Variants in RBFOX1 observed in about 807,000 individuals in gnomAD.
RBFOX1 encodes RNA binding fox-1 homolog 1, also known as RNA binding protein fox-1 homolog 1.
Under a neutral mutation model 57.7 loss-of-function variants are expected in RBFOX1, and 8 were observed. The observed-to-expected ratio is 0.14, with a 90% CI of 0.08 to 0.25. The LOEUF (loss-of-function observed/expected upper bound fraction) is 0.25, where lower values mean the gene tolerates loss of function less well. Ranked by LOEUF, RBFOX1 falls within the 10% of genes least tolerant of loss-of-function variation. The pLI is 1.00. For missense variants in RBFOX1, 611 were observed against 548.5 expected (o/e 1.11, Z -1.14); for synonymous variants, 326 against 222.4 (o/e 1.47, Z -4.15).
intron 3 of RBFOX1, among the ~76,000 whole-genome samples, chr16:7,018,815 C>T (rs539865611): frequency 7.3e-5 from 11 of 151,482 alleles, no homozygotes; most frequent in Admixed American, 4.6e-4. Context: ...AATACAACGT[C>T]TACAGATTAA....
At chr16:5,714,786 C>G (rs962156360) in intron 3 of RBFOX1, among the ~76,000 whole-genome samples, 5 of 152,154 alleles carry the variant, frequency 3.3e-5, no homozygotes, top group African/African-American at 1.2e-4. Context: ...TCATATCAGC[C>G]TCGTAAGGTA....
chr16:7,087,242 C>T (rs1388448846), intron 4 of RBFOX1, among the ~76,000 whole-genome samples: 3 of 152,158 alleles, frequency 2.0e-5, no homozygotes, highest in African/African-American at 2.4e-5. Context: ...AGATGCTGGC[C>T]TCCCAGAGTC....
intron 1 of RBFOX1, among the ~76,000 whole-genome samples, chr16:6,231,373 C>G (rs1324650022): frequency 2.0e-5 from 3 of 152,002 alleles, no homozygotes; most frequent in Admixed American, 6.6e-5. Flanking sequence ...CTCTCTAGCT[C>G]TTCTCATTTT....
At chr16:6,233,373 CG>C (rs1195126503) in intron 1 of RBFOX1, among the ~76,000 whole-genome samples, 1 of 152,028 alleles carries the variant, frequency 6.6e-6, no homozygotes, top group Non-Finnish European at 1.5e-5. Context: ...CCATCTCCCC[CG>C]GGTGGTTGCA....
chr16:6,459,670 G>A (rs7195659), intron 2 of RBFOX1, among the ~76,000 whole-genome samples: 7,376 of 151,898 alleles, frequency 0.049, 586 homozygotes, highest in African/African-American at 0.17. Context: ...TGTCTTTAGA[G>A]TCAATACTTA....
intron 4 of RBFOX1, among the ~76,000 whole-genome samples, chr16:7,468,565 A>T (rs2060958098): frequency 1.3e-5 from 2 of 151,996 alleles, no homozygotes; most frequent in Admixed American, 6.6e-5. Context: ...GAACTTCGGA[A>T]ATGGGACAGC....
At chr16:7,020,565 A>G (rs1446067546) in intron 3 of RBFOX1, among the ~76,000 whole-genome samples, 1 of 152,216 alleles carries the variant, frequency 6.6e-6, no homozygotes, top group East Asian at 1.9e-4. Context: ...ATTAAATAAA[A>G]TAAGGAATCT....
At chr16:6,770,539 T>C (rs56684423) in intron 3 of RBFOX1, among the ~76,000 whole-genome samples, 13,379 of 152,194 alleles carry the variant, frequency 0.088, 631 homozygotes, top group Admixed American at 0.13. Context: ...TCTGCCCCTT[T>C]ACGGAAGATG....
At chr16:6,071,435 A>G (rs973116517) in intron 1 of RBFOX1, among the ~76,000 whole-genome samples, 18 of 152,240 alleles carry the variant, frequency 1.2e-4, no homozygotes, top group African/African-American at 4.3e-4. Context: ...ACTAGGTCGA[A>G]TACTTGGGTG....
At chr16:7,513,468 C>T (rs1295472315) in intron 4 of RBFOX1, among the ~76,000 whole-genome samples, 1 of 152,118 alleles carries the variant, frequency 6.6e-6, no homozygotes, top group Non-Finnish European at 1.5e-5. Flanking sequence ...ATTAGAGATG[C>T]ATTGCATGAA....
intron 11 of RBFOX1, among the ~76,000 whole-genome samples, chr16:7,645,342 C>T (rs1292754869): frequency 6.6e-6 from 1 of 152,130 alleles, no homozygotes; most frequent in Non-Finnish European, 1.5e-5. Context: ...TGTCAATTTG[C>T]TGCAAGGTAA....
chr16:7,090,246 A>G (rs2060605017), intron 4 of RBFOX1, among the ~76,000 whole-genome samples: 1 of 152,192 alleles, frequency 6.6e-6, no homozygotes, highest in Admixed American at 6.5e-5. Flanking sequence ...TAGAATCCAT[A>G]TTCAGTTTAC....
intron 14 of RBFOX1, among the ~76,000 whole-genome samples, chr16:7,699,922 A>C (rs1170228801): frequency 6.6e-6 from 1 of 152,142 alleles, no homozygotes; most frequent in Non-Finnish European, 1.5e-5. Flanking sequence ...GTTCACCAGG[A>C]GTTAAAATGT....
At chr16:5,330,351 G>T (rs2064716204) in intron 1 of RBFOX1, among the ~76,000 whole-genome samples, 2 of 151,970 alleles carry the variant, frequency 1.3e-5, no homozygotes, top group South Asian at 2.1e-4. Flanking sequence ...ATTATAAATT[G>T]GTTTATCCCC....
chr16:7,007,997 A>C (rs2093400669), intron 3 of RBFOX1, among the ~76,000 whole-genome samples: 1 of 152,218 alleles, frequency 6.6e-6, no homozygotes, highest in South Asian at 2.1e-4. Context: ...AAATAAAACC[A>C]GTATAATGTT....
chr16:7,004,652 T>C (rs967079569), intron 3 of RBFOX1, among the ~76,000 whole-genome samples: 3 of 152,262 alleles, frequency 2.0e-5, no homozygotes, highest in Non-Finnish European at 4.4e-5. Flanking sequence ...TATTCCATTG[T>C]CTGGGCATTT....
intron 2 of RBFOX1, among the ~76,000 whole-genome samples, chr16:5,484,070 C>G (rs966238151): frequency 6.6e-6 from 1 of 152,160 alleles, no homozygotes; most frequent in Non-Finnish European, 1.5e-5. Flanking sequence ...ACTCAGGAAG[C>G]TGAGGTTGGA....
At chr16:6,134,991 C>T (rs1034463893) in intron 1 of RBFOX1, among the ~76,000 whole-genome samples, 1 of 152,128 alleles carries the variant, frequency 6.6e-6, no homozygotes, top group Admixed American at 6.6e-5. Context: ...GCTGTCCGTC[C>T]CCCCTCCCCT....
At chr16:6,007,325 G>T (rs2094933579) in intron 4 of RBFOX1, among the ~76,000 whole-genome samples, 1 of 152,166 alleles carries the variant, frequency 6.6e-6, no homozygotes, top group African/African-American at 2.4e-5. Flanking sequence ...ACCACATCCT[G>T]AGCTGCCCAC....
Sources: gnomAD v4.1 joint callset for allele counts (sites outside exome capture counted in the v4.1 genomes callset) on GRCh38, gnomAD v4.1.1 for gene constraint, MANE v1.5 for transcripts, NCBI Gene and HGNC (gene_info 2026-07-23, HGNC 2026-07-21) for gene names.